CTXND1: variants seen among roughly 807,000 people sequenced by gnomAD.
The protein encoded by CTXND1 is cortexin domain containing 1.
At chr15:80,220,483 C>G (rs979739208) in intron 1 of CTXND1, among the ~76,000 whole-genome samples, 2 of 152,186 alleles carry the variant, frequency 1.3e-5, no homozygotes, top group African/African-American at 2.4e-5. Context: ...TTGTTATATG[C>G]TACTCCAACT....
intron 1 of CTXND1, among the ~76,000 whole-genome samples, chr15:80,238,457 C>A (rs1040818079): frequency 2.4e-4 from 36 of 151,104 alleles, no homozygotes; most frequent in Non-Finnish European, 4.0e-4. Context: ...CAATAAGAAG[C>A]AGCGGGCAGA....
chr15:80,206,110 A>G (rs1221742493), intron 1 of CTXND1, among the ~76,000 whole-genome samples: 3 of 152,240 alleles, frequency 2.0e-5, no homozygotes, highest in African/African-American at 7.2e-5. Flanking sequence ...TAAAAATTTC[A>G]TAGTTACCCA....
intron 1 of CTXND1, among the ~76,000 whole-genome samples, chr15:80,245,578 A>T (rs1893619026): frequency 6.6e-6 from 1 of 152,144 alleles, no homozygotes; most frequent in African/African-American, 2.4e-5. Flanking sequence ...GTCATACAAC[A>T]TCACTTCCAC....
At chr15:80,235,177 C>T (rs897503093) in intron 1 of CTXND1, among the ~76,000 whole-genome samples, 1 of 152,168 alleles carries the variant, frequency 6.6e-6, no homozygotes, top group Non-Finnish European at 1.5e-5. Flanking sequence ...CCCAGCCTGG[C>T]GGAGCAGATG....
intron 1 of CTXND1, among the ~76,000 whole-genome samples, chr15:80,205,837 C>T (rs1893142455): frequency 6.6e-6 from 1 of 152,192 alleles, no homozygotes; most frequent in African/African-American, 2.4e-5. Context: ...GCCTTTTTCC[C>T]TGGAAATACT....
chr15:80,203,766 C>T (rs1044198360), intron 1 of CTXND1, 26 bp from the exon 2 acceptor site: 1 of 152,120 alleles, frequency 6.6e-6, no homozygotes, highest in African/African-American at 2.4e-5. Flanking sequence ...ACAAAGAAGA[C>T]TAGTTATTTC....
intron 1 of CTXND1, among the ~76,000 whole-genome samples, chr15:80,215,576 G>A (rs1174024483): frequency 6.6e-6 from 1 of 152,124 alleles, no homozygotes; most frequent in Non-Finnish European, 1.5e-5. Flanking sequence ...TGGGAAGGGG[G>A]CTTCCTGGTC....
intron 1 of CTXND1, among the ~76,000 whole-genome samples, chr15:80,208,454 C>T (rs948895993): frequency 6.6e-6 from 1 of 152,160 alleles, no homozygotes; most frequent in African/African-American, 2.4e-5. Context: ...AAGACCTGAT[C>T]CTGCTTTAAT....
intron 1 of CTXND1, among the ~76,000 whole-genome samples, chr15:80,208,056 G>A (rs1370557054): frequency 6.6e-6 from 1 of 152,224 alleles, no homozygotes; most frequent in East Asian, 1.9e-4. Context: ...CAACTATGAG[G>A]CCAGGCTTGA....
At chr15:80,242,835 C>G (rs1180759434) in intron 1 of CTXND1, among the ~76,000 whole-genome samples, 2 of 152,158 alleles carry the variant, frequency 1.3e-5, no homozygotes, top group Non-Finnish European at 2.9e-5. Flanking sequence ...CAGCCTCCAC[C>G]ACTCCCTATG....
At chr15:80,217,706 C>T (rs534390210) in intron 1 of CTXND1, among the ~76,000 whole-genome samples, 5 of 152,086 alleles carry the variant, frequency 3.3e-5, no homozygotes, top group South Asian at 4.2e-4. Context: ...ACCACCATAC[C>T]GGGCTAATTC....
intron 1 of CTXND1, among the ~76,000 whole-genome samples, chr15:80,221,058 G>A (rs779327326): frequency 1.2e-3 from 180 of 151,796 alleles, no homozygotes; most frequent in Non-Finnish European, 1.4e-3. Context: ...ACAGGCACCC[G>A]CCACCACGCT....
intron 1 of CTXND1, among the ~76,000 whole-genome samples, chr15:80,241,545 G>GCA (rs1893567239): frequency 1.3e-5 from 2 of 152,188 alleles, no homozygotes; most frequent in South Asian, 4.1e-4. Context: ...GACATGTAAG[G>GCA]GCTTCAGCTG....
Position 80,199,493 on chromosome 15 carries a change from G to C in CTXND1, c.*2277C>G, listed in dbSNP as rs115528881. The C allele has an allele frequency of 6.6e-6, 1 of 152,226 alleles. No individual in the cohort carries two copies. The highest frequency in any genetic ancestry group is 1.5e-5 in the Non-Finnish European group (1 of 68,070). The allele number at this position is 152,226 out of a possible 1,614,324, so 9.4% of individuals were successfully genotyped here. ...GTTGGTTCTAGTTTGCATTGTAAAT[G>C]CATGCTGATGAGCTTTTCACAGAAA... On this transcript the variant is annotated 3_prime_UTR_variant, in exon 3 of 3. Transcript: ENST00000560778.
chr15:80,242,368 G>A (rs1893578978), intron 1 of CTXND1, among the ~76,000 whole-genome samples: 1 of 152,256 alleles, frequency 6.6e-6, no homozygotes, highest in Non-Finnish European at 1.5e-5. Flanking sequence ...AAACAACGTG[G>A]AAGCCTTTCA....
intron 1 of CTXND1, among the ~76,000 whole-genome samples, chr15:80,234,903 C>T (rs1047435894): frequency 2.0e-5 from 3 of 152,218 alleles, no homozygotes; most frequent in African/African-American, 7.2e-5. Flanking sequence ...TGTTTTGTTT[C>T]CTGCTTTTGG....
At chr15:80,229,246 G>A (rs575757403) in intron 1 of CTXND1, among the ~76,000 whole-genome samples, 1 of 152,126 alleles carries the variant, frequency 6.6e-6, no homozygotes, top group Non-Finnish European at 1.5e-5. Flanking sequence ...GGAAGGGACA[G>A]GTTTCAGGGT....
chr15:80,244,029 C>T (rs1303480242), intron 1 of CTXND1, among the ~76,000 whole-genome samples: 1 of 152,200 alleles, frequency 6.6e-6, no homozygotes, highest in Non-Finnish European at 1.5e-5. Context: ...AGCCATCCTG[C>T]CCATCTCCTC....
At chr15:80,208,024 G>A (rs1035028052) in intron 1 of CTXND1, among the ~76,000 whole-genome samples, 9 of 152,196 alleles carry the variant, frequency 5.9e-5, no homozygotes, top group South Asian at 2.1e-4. Context: ...AAGAACATTG[G>A]CCATTCATTA....
Sources: gnomAD v4.1 joint callset for allele counts (sites outside exome capture counted in the v4.1 genomes callset) on GRCh38, gnomAD v4.1.1 for gene constraint, MANE v1.5 for transcripts, NCBI Gene and HGNC (gene_info 2026-07-23, HGNC 2026-07-21) for gene names.